The following LSS variants were observed in gnomAD, a reference collection of about 807,000 sequenced individuals.
LSS encodes lanosterol synthase, also known as 2,3-epoxysqualene-lanosterol cyclase.
Under a neutral mutation model 110.3 loss-of-function variants are expected in LSS, and 90 were observed. The ratio of observed to expected loss-of-function variants is 0.82; its 90% confidence interval spans 0.69 to 0.97. The LOEUF (loss-of-function observed/expected upper bound fraction) is 0.97, where lower values mean the gene tolerates loss of function less well. LSS is among the 50% of genes least tolerant of loss of function. The probability of loss-of-function intolerance (pLI) is 0.00; values close to 1 mark genes in which losing one functional copy is unlikely to be tolerated. For synonymous variants in LSS, 433 were observed against 400.0 expected (o/e 1.08, Z -0.98); for missense variants, 927 against 990.0 (o/e 0.94, Z 0.85).
intron 3 of LSS, among the ~76,000 whole-genome samples, chr21:46,226,135 CAAA>C (rs60505491): frequency 1.6e-4 from 22 of 136,426 alleles, no homozygotes; most frequent in Admixed American, 1.5e-4. Context: ...AACGCTGTCT[CAAA>C]AAAAAAAAAA....
At chr21:46,211,702 AAC>A (rs1391168623) in intron 11 of LSS, among the ~76,000 whole-genome samples, 1 of 152,220 alleles carries the variant, frequency 6.6e-6, no homozygotes, top group Admixed American at 6.5e-5. Context: ...TCGCCAAAGA[AAC>A]ACAATGGGAT....
At chr21:46,192,290 A>AG (rs773614854) in intron 20 of LSS, 25 of 452,716 alleles carry the variant, frequency 5.5e-5, no homozygotes, top group Non-Finnish European at 9.0e-5. Context: ...GGAGACCCAC[A>AG]GGAGCTCACA....
chr21:46,195,086 C>T (rs201171810), intron 19 of LSS, among the ~76,000 whole-genome samples: 3 of 152,122 alleles, frequency 2.0e-5, no homozygotes, highest in East Asian at 3.9e-4. Flanking sequence ...CGGCTGGGAC[C>T]GGAGATCTCC....
chr21:46,202,177 G>A (rs1193658314), intron 17 of LSS, among the ~76,000 whole-genome samples: 10 of 138,606 alleles, frequency 7.2e-5, no homozygotes, highest in African/African-American at 2.3e-4. Context: ...GGCGGATCAC[G>A]AGGTCAGGAG....
At chr21:46,205,158 T>A (rs2080028732) in intron 17 of LSS, among the ~76,000 whole-genome samples, 1 of 152,184 alleles carries the variant, frequency 6.6e-6, no homozygotes, top group South Asian at 2.1e-4. Context: ...TCACAGTAGA[T>A]GCTTCATAAT....
rs374377542 is a variant in LSS, at chr21:46,208,309, G to C, written c.1267-8C>G. ...GGGAGGGTTATCTGGGACCTGGGCA[G>C]CATCGAGGGCAAATGTGGAAGCAGA... On this transcript the variant is annotated splice_region_variant and splice_polypyrimidine_tract_variant and intron_variant, in intron 13 of 21. Transcript: ENST00000397728. The C allele has an allele frequency of 6.4e-7, 1 of 1,552,314 alleles. No individual in the cohort carries two copies. The highest frequency in any genetic ancestry group is 8.7e-7 in the Non-Finnish European group (1 of 1,147,254).
In LSS at chr21:46,207,405, G is replaced by A. The variant is rs751747043; in HGVS notation, c.1467+23C>T. ...TCTGCAGGACACGAGGTATGGACGG[G>A]GCTGCTGGGACCACAGCCTTACCAC... On this transcript the variant is annotated intron_variant, in intron 15 of 21. Coordinates refer to ENST00000397728, the MANE Select transcript of LSS (RefSeq NM_002340.6). 3.0e-5 allele frequency: 49 copies of A among 1,609,522 alleles called. No individual in the cohort carries two copies. The African/African-American group carries it at 6.1e-4, about 20-fold the overall frequency.
In LSS at chr21:46,190,937, ACC is replaced by A. The variant is rs1234567326; in HGVS notation, c.*165_*166del. 2 of 744,044 alleles carry A rather than the reference ACC, an allele frequency of 2.7e-6. No individual in the cohort carries two copies. Among genetic ancestry groups the A allele is most frequent in the African/African-American group, 3.6e-5 (2 of 55,844 alleles). 46.1% of individuals were successfully genotyped at this position (744,044 alleles called of 1,614,324 possible). ...TAAAAATCAAGAGTCTAAGCCACCC[ACC>A]CTGTCCCCATCCCTGCCTCCAGCCT... On this transcript the variant is annotated 3_prime_UTR_variant, in exon 22 of 22. Coordinates refer to ENST00000397728, the MANE Select transcript of LSS (RefSeq NM_002340.6). This position sits in a 1 kb window ranked among gnomAD's most constrained non-coding sequence, Gnocchi z 4.6.
At chr21:46,197,027 C>T (rs1180282994) in intron 17 of LSS, among the ~76,000 whole-genome samples, 2 of 152,228 alleles carry the variant, frequency 1.3e-5, no homozygotes, top group African/African-American at 4.8e-5. Flanking sequence ...GACTGAAGCC[C>T]GGAGAGACCC....
chr21:46,206,909 C>T (rs796246925), intron 15 of LSS, 141 bp from the exon 16 acceptor site: 12 of 680,030 alleles, frequency 1.8e-5, no homozygotes, highest in African/African-American at 1.2e-4. Context: ...CTGATTTCCA[C>T]GTTAACCAAG....
At chr21:46,227,842 G>T (rs904553498) in intron 2 of LSS, 152 bp from the exon 3 acceptor site, 47 of 858,054 alleles carry the variant, frequency 5.5e-5, no homozygotes, top group Non-Finnish European at 8.0e-5. Flanking sequence ...GAAACTCTTT[G>T]ATGAGAGCAT....
intron 5 of LSS, 29 bp from the exon 6 acceptor site, chr21:46,219,601 A>AT: frequency 7.0e-7 from 1 of 1,426,762 alleles, no homozygotes; most frequent in South Asian, 1.3e-5. Flanking sequence ...GGCCCACGTC[A>AT]TCTGCTTCCT....
At position 46,201,828 on chromosome 21, in the gene LSS, T is replaced by C. The variant is rs544319185; in HGVS notation, c.1670+4008A>G. 2.6e-3 allele frequency among the ~76,000 whole-genome samples: 398 copies of C among 150,608 alleles called. 1 individual carries two copies. Among genetic ancestry groups the C allele is most frequent in the South Asian group, 6.6e-3 (31 of 4,714 alleles). The stretch of plus-strand genomic sequence containing the variant: ...TTTTTTTTTTTTTGAGACGGTGTCT[T>C]GCACTCTCGCCTAGGCTGGAGTGCA... On this transcript the variant is annotated intron_variant, in intron 17 of 21. Transcript: ENST00000397728.
chr21:46,215,083 G>A, intron 9 of LSS, 97 bp downstream of exon 9: 1 of 983,362 alleles, frequency 1.0e-6, no homozygotes, highest in Non-Finnish European at 1.6e-6. Context: ...CAGGCTCCAG[G>A]AAACCCCACT....
chr21:46,198,812 A>T (rs552371541), intron 17 of LSS, among the ~76,000 whole-genome samples: 80 of 143,256 alleles, frequency 5.6e-4, no homozygotes, highest in Non-Finnish European at 1.1e-3. Flanking sequence ...GTACCAAAAC[A>T]ACTGGACATC....
At chr21:46,203,434 T>C (rs953573702) in intron 17 of LSS, among the ~76,000 whole-genome samples, 1 of 152,134 alleles carries the variant, frequency 6.6e-6, no homozygotes, top group Non-Finnish European at 1.5e-5. Context: ...GCCATGGAAA[T>C]GTGGAGACCA....
chr21:46,195,381 G>A (rs558841541), intron 19 of LSS, among the ~76,000 whole-genome samples: 38 of 152,302 alleles, frequency 2.5e-4, no homozygotes, highest in Non-Finnish European at 4.1e-4. Context: ...AAACCAGTGT[G>A]AGCAACACAG....
At chr21:46,195,234 G>A (rs2079893495) in intron 19 of LSS, among the ~76,000 whole-genome samples, 1 of 152,172 alleles carries the variant, frequency 6.6e-6, no homozygotes, top group Non-Finnish European at 1.5e-5. Context: ...GAGAGCTGTG[G>A]GACCAGGGAA....
chr21:46,207,613 G>A, intron 14 of LSS, 36 bp from the exon 15 acceptor site: 1 of 1,596,972 alleles, frequency 6.3e-7, no homozygotes, highest in Non-Finnish European at 8.5e-7. Flanking sequence ...GGCTGGGGGT[G>A]TCCACACCCC....
Sources: allele counts gnomAD v4.1 joint callset (sites outside exome capture counted in the v4.1 genomes callset), GRCh38; gene constraint gnomAD v4.1.1; non-coding constraint Gnocchi (gnomAD v3.1); transcripts MANE v1.5; gene names NCBI Gene and HGNC (gene_info 2026-07-23, HGNC 2026-07-21).